Variants in CRB1 observed in about 807,000 individuals in gnomAD.
The protein encoded by CRB1 is crumbs cell polarity complex component 1, also known as protein crumbs homolog 1.
Under a neutral mutation model 120.0 loss-of-function variants are expected in CRB1, and 83 were observed. That is an observed-to-expected ratio of 0.69 (90% confidence interval 0.58 to 0.83). CRB1 has a LOEUF of 0.83. Among genes scored for constraint, CRB1 ranks in the 40% least tolerant of loss-of-function variants. The pLI is 0.00. For missense variants in CRB1, 1,699 were observed against 1,687.6 expected (o/e 1.01, Z -0.12); for synonymous variants, 625 against 612.5 (o/e 1.02, Z -0.30).
chr1:197,308,493 G>A (rs1657307748), intron 1 of CRB1, among the ~76,000 whole-genome samples: 1 of 152,130 alleles, frequency 6.6e-6, no homozygotes, highest in Admixed American at 6.5e-5. Context: ...GTTGTACATT[G>A]TAAGATTATT....
chr1:197,330,287 C>G (rs1235548889), intron 2 of CRB1, among the ~76,000 whole-genome samples: 1 of 152,132 alleles, frequency 6.6e-6, no homozygotes, highest in Non-Finnish European at 1.5e-5. Context: ...GTGTGTACTA[C>G]TACACAACCT....
chr1:197,405,936 C>A (rs745599170), intron 5 of CRB1, among the ~76,000 whole-genome samples: 3 of 151,262 alleles, frequency 2.0e-5, no homozygotes, highest in Admixed American at 1.3e-4. Context: ...CCAGCCGTCC[C>A]GTCCGGGAGG....
At chr1:197,440,842 A>G (rs897393463) in intron 10 of CRB1, 2 of 152,258 alleles carry the variant, frequency 1.3e-5, no homozygotes, top group Non-Finnish European at 2.9e-5. Flanking sequence ...ACTCTGGCCC[A>G]CCCAAGACCG....
chr1:197,221,455 C>T, the CRB1 span, among the ~76,000 whole-genome samples: 2 of 152,156 alleles, frequency 1.3e-5, no homozygotes, highest in Non-Finnish European at 2.9e-5. Context: ...GCTCCTCAGA[C>T]TGGAGTGAAA....
chr1:197,236,310 C>T, the CRB1 span, among the ~76,000 whole-genome samples: 1 of 151,458 alleles, frequency 6.6e-6, no homozygotes. Flanking sequence ...AGCGATTCTC[C>T]CGCCTCAGCC....
At chr1:197,248,517 A>G in the CRB1 span, among the ~76,000 whole-genome samples, 1 of 152,048 alleles carries the variant, frequency 6.6e-6, no homozygotes, top group Non-Finnish European at 1.5e-5. Flanking sequence ...TTACAGAAAA[A>G]CAACTAAAGA....
chr1:197,435,525 A>G lies in CRB1; in HGVS notation c.3662A>G (p.His1221Arg). 2 of 1,613,050 alleles carry G rather than the reference A, an allele frequency of 1.2e-6. No individual in the cohort carries two copies. Among genetic ancestry groups the G allele is most frequent in the Non-Finnish European group, 1.7e-6 (2 of 1,179,480 alleles). The change falls in exon 9 of 12, where the codon CAC (histidine) becomes CGC (arginine). Residue 1221 changes from histidine to arginine, a missense_variant. By Grantham distance (29) the His-to-Arg change is conservative. Coordinates refer to ENST00000367400, the MANE Select transcript of CRB1 (RefSeq NM_201253.3). ...GTGGATATAGACAACTGCCAGAGTC[A>G]CCAGTGTGCAAATGGAGCCACCTGC... ...CEVDIDNCQS[H>R]QCANGATCIS...
At chr1:197,410,933 T>C (rs572516174) in intron 5 of CRB1, among the ~76,000 whole-genome samples, 1 of 152,352 alleles carries the variant, frequency 6.6e-6, no homozygotes, top group African/African-American at 2.4e-5. Context: ...GCTAGAAGAT[T>C]CTGCACAGTG....
intron 4 of CRB1, among the ~76,000 whole-genome samples, 171 bp from the exon 5 acceptor site, chr1:197,356,660 T>TA (rs1660493464): frequency 1.3e-5 from 2 of 152,346 alleles, no homozygotes; most frequent in South Asian, 4.1e-4. Flanking sequence ...CTGATACTAG[T>TA]ACTTGTTTCC....
chr1:197,478,272 T>C lies in CRB1; in HGVS notation c.*393T>C, dbSNP rs147966959. On this transcript the variant is annotated 3_prime_UTR_variant, in exon 12 of 12. Transcript: ENST00000367400. ...CTGTGTAAACTGCCATATGTTTACA[T>C]GGAAACTACAGGAAAAAATTGGCTA... The C allele has an allele frequency of 2.7e-3, 754 of 275,072 alleles. 9 individuals carry two copies. The highest frequency in any genetic ancestry group is 0.013 in the Admixed American group (249 of 19,774). The allele number at this position is 275,072 out of a possible 1,614,324, so 17.0% of individuals were successfully genotyped here. A position where few individuals can be genotyped will look rare whatever the true frequency, so the allele number is the denominator to read the frequency against.
At chr1:197,474,543 G>A (rs1238618151) in intron 11 of CRB1, among the ~76,000 whole-genome samples, 5 of 152,142 alleles carry the variant, frequency 3.3e-5, no homozygotes. Flanking sequence ...CTGAATTGAG[G>A]TACTAACAAG....
chr1:197,350,439 G>A (rs541506315), intron 4 of CRB1, among the ~76,000 whole-genome samples: 49 of 152,340 alleles, frequency 3.2e-4, no homozygotes, highest in Non-Finnish European at 6.3e-4. Flanking sequence ...AAATTATGTA[G>A]GAGGGCGAGA....
chr1:197,228,988 C>T, the CRB1 span, among the ~76,000 whole-genome samples: 1 of 152,086 alleles, frequency 6.6e-6, no homozygotes, highest in Non-Finnish European at 1.5e-5. Context: ...AAATTGCCCC[C>T]TTGATTCAAA....
intron 11 of CRB1, among the ~76,000 whole-genome samples, chr1:197,468,387 G>A (rs1407536897): frequency 6.6e-6 from 1 of 151,390 alleles, no homozygotes; most frequent in Non-Finnish European, 1.5e-5. Context: ...GATCTAATAT[G>A]CTGTCTGAAA....
chr1:197,375,370 A>G (rs1661590561), intron 5 of CRB1, among the ~76,000 whole-genome samples: 1 of 152,194 alleles, frequency 6.6e-6, no homozygotes, highest in Admixed American at 6.5e-5. Context: ...CAGCTGAGGA[A>G]CAATAGCTTG....
intron 3 of CRB1, among the ~76,000 whole-genome samples, chr1:197,345,416 A>G (rs1230925910): frequency 6.6e-6 from 1 of 151,996 alleles, no homozygotes; most frequent in Non-Finnish European, 1.5e-5. Flanking sequence ...GACATAATTT[A>G]TGCCAAATCT....
chr1:197,210,035 G>A, the CRB1 span, among the ~76,000 whole-genome samples: 1 of 152,218 alleles, frequency 6.6e-6, no homozygotes, highest in Non-Finnish European at 1.5e-5. Context: ...AGTTCACAAT[G>A]TGAGCCTCCA....
At chr1:197,294,982 C>T (rs1656435824) in intron 1 of CRB1, among the ~76,000 whole-genome samples, 1 of 151,982 alleles carries the variant, frequency 6.6e-6, no homozygotes, top group Non-Finnish European at 1.5e-5. Flanking sequence ...GTGCAGCACA[C>T]CAAGATAGCA....
At chr1:197,294,317 A>G (rs913793835) in intron 1 of CRB1, among the ~76,000 whole-genome samples, 2 of 151,822 alleles carry the variant, frequency 1.3e-5, no homozygotes, top group Non-Finnish European at 2.9e-5. Context: ...GAAAAAAAAT[A>G]TTCATCATCA....
Sources: allele counts gnomAD v4.1 joint callset (sites outside exome capture counted in the v4.1 genomes callset), GRCh38; gene constraint gnomAD v4.1.1; transcripts MANE v1.5; gene names NCBI Gene and HGNC (gene_info 2026-07-23, HGNC 2026-07-21).